The following PLPPR1 variants were observed in gnomAD, a reference collection of about 807,000 sequenced individuals.
PLPPR1 encodes phospholipid phosphatase-related protein type 1.
In PLPPR1, 10 loss-of-function variants were observed where a neutral mutation model predicts 33.1. That is an observed-to-expected ratio of 0.30 (90% CI 0.19 to 0.51). PLPPR1 has a LOEUF of 0.51. Among genes scored for constraint, PLPPR1 ranks in the 20% least tolerant of loss-of-function variants. PLPPR1 has a pLI of 0.97. For synonymous variants in PLPPR1, 151 were observed against 151.0 expected, an observed-to-expected ratio of 1.00 and a Z score of 0.00; for missense variants, 304 against 408.1, an observed-to-expected ratio of 0.74 and a Z score of 2.20.
intron 4 of PLPPR1, among the ~76,000 whole-genome samples, chr9:101,302,937 A>G (rs1485015363): frequency 6.6e-6 from 1 of 152,218 alleles, no homozygotes; most frequent in Non-Finnish European, 1.5e-5. Context: ...TCGTTTTACC[A>G]TAGAGAAACA....
chr9:101,074,158 C>T lies in PLPPR1; in HGVS notation c.-46+45056C>T, dbSNP rs939392958. On this transcript the variant is annotated intron_variant, in intron 1 of 7. Transcript: ENST00000374874. ...GATGCATCAGGAAAAGTGAACATGG[C>T]ATCCAGTGTCTTTGTGGATCAATAA... is the stretch of plus-strand genomic sequence containing the variant. Among the ~76,000 whole-genome samples the T allele has an allele frequency of 3.9e-5, 6 of 152,218 alleles. No individual in the cohort carries two copies. In the East Asian group the frequency reaches 9.7e-4, roughly 25 times the overall value.
chr9:101,142,214 A>G (rs1220877172), intron 1 of PLPPR1, among the ~76,000 whole-genome samples: 1 of 152,212 alleles, frequency 6.6e-6, no homozygotes, highest in Non-Finnish European at 1.5e-5. Flanking sequence ...ATAATAGTAG[A>G]GCAGAGATTC....
intron 1 of PLPPR1, among the ~76,000 whole-genome samples, chr9:101,163,229 G>A (rs1376428087): frequency 6.6e-6 from 1 of 152,142 alleles, no homozygotes; most frequent in Non-Finnish European, 1.5e-5. Flanking sequence ...CCTATTTGGT[G>A]TCTGAACACT....
At chr9:101,223,148 C>CAAAAA (rs869205435) in intron 2 of PLPPR1, among the ~76,000 whole-genome samples, 109 of 21,636 alleles carry the variant, frequency 5.0e-3, no homozygotes, top group Non-Finnish European at 7.9e-3. Flanking sequence ...CCCATCTCTA[C>CAAAAA]AAAAAAAAAA....
intron 2 of PLPPR1, among the ~76,000 whole-genome samples, chr9:101,210,069 G>T (rs1443779405): frequency 6.6e-6 from 1 of 152,152 alleles, no homozygotes; most frequent in Non-Finnish European, 1.5e-5. Flanking sequence ...AAAACCAAAT[G>T]TTACATACAT....
chr9:101,062,070 T>C (rs1830354267), intron 1 of PLPPR1, among the ~76,000 whole-genome samples: 1 of 152,030 alleles, frequency 6.6e-6, no homozygotes, highest in Non-Finnish European at 1.5e-5. Flanking sequence ...AAATGGTTAA[T>C]GTATGCAGTT....
At chr9:101,109,645 C>G (rs1036010053) in intron 1 of PLPPR1, among the ~76,000 whole-genome samples, 1 of 152,144 alleles carries the variant, frequency 6.6e-6, no homozygotes, top group Admixed American at 6.5e-5. Context: ...GGTTCATGCA[C>G]AAAGCACTTA....
intron 2 of PLPPR1, among the ~76,000 whole-genome samples, chr9:101,236,502 A>G (rs73501898): frequency 0.014 from 2,049 of 150,016 alleles, 51 homozygotes; most frequent in African/African-American, 0.048. Flanking sequence ...CTATTTTTAA[A>G]TCATAGACTA....
chr9:101,096,337 G>A (rs1830817218), intron 1 of PLPPR1, among the ~76,000 whole-genome samples: 1 of 152,178 alleles, frequency 6.6e-6, no homozygotes, highest in Non-Finnish European at 1.5e-5. Context: ...ATCATCTCTA[G>A]CATGGATTGG....
chr9:101,109,284 A>C (rs1196489326), intron 1 of PLPPR1, among the ~76,000 whole-genome samples: 1 of 151,750 alleles, frequency 6.6e-6, no homozygotes, highest in African/African-American at 2.4e-5. Flanking sequence ...GGTCCTCAGT[A>C]TTTTTGAAGG....
chr9:101,050,290 GA>G (rs917611406), intron 1 of PLPPR1, among the ~76,000 whole-genome samples: 14 of 150,956 alleles, frequency 9.3e-5, no homozygotes, highest in African/African-American at 3.2e-4. Flanking sequence ...TCTTTTTTTG[GA>G]AAAAAAACAA....
chr9:101,086,344 A>G (rs904410320), intron 1 of PLPPR1, among the ~76,000 whole-genome samples: 2 of 152,146 alleles, frequency 1.3e-5, no homozygotes, highest in Non-Finnish European at 1.5e-5. Flanking sequence ...ATGTCTGACA[A>G]AATCTCAGCC....
chr9:101,253,662 C>T (rs1159512018), intron 2 of PLPPR1, among the ~76,000 whole-genome samples: 1 of 152,074 alleles, frequency 6.6e-6, no homozygotes, highest in Non-Finnish European at 1.5e-5. Context: ...TATTTTGGGT[C>T]TATTATCAAA....
intron 2 of PLPPR1, among the ~76,000 whole-genome samples, chr9:101,193,708 C>A (rs972995421): frequency 1.3e-5 from 2 of 152,062 alleles, no homozygotes; most frequent in Non-Finnish European, 2.9e-5. Flanking sequence ...AATATTGACC[C>A]TATGCAATAG....
intron 1 of PLPPR1, among the ~76,000 whole-genome samples, chr9:101,150,941 T>A (rs954814618): frequency 2.6e-5 from 4 of 152,156 alleles, no homozygotes; most frequent in African/African-American, 9.7e-5. Context: ...GCATACATGT[T>A]CACTCTTACA....
At chr9:101,226,308 C>T (rs570665743) in intron 2 of PLPPR1, among the ~76,000 whole-genome samples, 1 of 152,226 alleles carries the variant, frequency 6.6e-6, no homozygotes, top group East Asian at 1.9e-4. Context: ...CAATACCAAG[C>T]AAGTAGCCAG....
At chr9:101,131,789 A>G (rs1320666125) in intron 1 of PLPPR1, 2 of 152,250 alleles carry the variant, frequency 1.3e-5, no homozygotes, top group Non-Finnish European at 1.5e-5. Context: ...GTTTGTAAAG[A>G]GTTAAAACCA....
intron 5 of PLPPR1, 65 bp downstream of exon 5, chr9:101,309,526 G>A (rs1828919002): frequency 6.5e-7 from 1 of 1,540,208 alleles, no homozygotes; most frequent in Non-Finnish European, 8.8e-7. Context: ...TCCCTGCCCT[G>A]TCTCCATTCT....
At chr9:101,069,895 G>A (rs148299861) in intron 1 of PLPPR1, among the ~76,000 whole-genome samples, 17 of 152,256 alleles carry the variant, frequency 1.1e-4, no homozygotes, top group African/African-American at 3.8e-4. Flanking sequence ...GGGAAAGTGG[G>A]AAGGGAAGAA....
Sources: allele counts gnomAD v4.1 joint callset (sites outside exome capture counted in the v4.1 genomes callset), GRCh38; gene constraint gnomAD v4.1.1; transcripts MANE v1.5; gene names NCBI Gene and HGNC (gene_info 2026-07-23, HGNC 2026-07-21).